PRAG1: variants seen among roughly 807,000 people sequenced by gnomAD.
PRAG1 encodes inactive tyrosine-protein kinase PRAG1.
PRAG1 carries 110 observed loss-of-function variants against 95.6 expected under a neutral mutation model. That is an observed-to-expected ratio of 1.15 (90% confidence interval 0.99 to 1.35). The LOEUF is 1.35. PRAG1 is among the 40% of genes most tolerant of loss of function. The pLI is 0.00. For synonymous variants in PRAG1, 1,052 were observed against 819.4 expected, an observed-to-expected ratio of 1.28 and a Z score of -4.85; for missense variants, 2,554 against 1,864.7, an observed-to-expected ratio of 1.37 and a Z score of -6.81.
chr8:8,318,203 G>A lies in PRAG1; in HGVS notation c.4172C>T (p.Ala1391Val), dbSNP rs746332662. 8 of 1,614,058 alleles carry A rather than the reference G, an allele frequency of 5.0e-6. No homozygotes were observed. Among genetic ancestry groups the A allele is most frequent in the Non-Finnish European group, 6.8e-6 (8 of 1,179,994 alleles). ...CGACTGTAAGAGGGCCCCGGGCTCCGCAGACGCCAGGTACTGGCAGCAAAG... is the reference window on the plus strand; with the variant it reads ...CGACTGTAAGAGGGCCCCGGGCTCCACAGACGCCAGGTACTGGCAGCAAAG... ...DWLCCQYLASAEPGALLQSLK... is the reference protein window; with the variant it reads ...DWLCCQYLASVEPGALLQSLK... Residue 1391 changes from alanine to valine, a missense_variant, in exon 6 of 6, where the codon GCG becomes GTG. Ala to Val is a moderately conservative substitution (Grantham distance 64). Coordinates refer to ENST00000615670, the MANE Select transcript of PRAG1 (RefSeq NM_001080826.3). This position sits in a 1 kb window ranked among gnomAD's most constrained non-coding sequence, Gnocchi z 4.2.
At position 8,381,642 on chromosome 8, in the gene PRAG1, G is replaced by A. The variant is rs1800675030; in HGVS notation, c.106C>T (p.Leu36=). 1.2e-6 allele frequency: 2 copies of A among 1,613,922 alleles called. No individual in the cohort carries two copies. The highest frequency in any genetic ancestry group is 2.2e-5 in the South Asian group (2 of 91,052). Residue 36 remains leucine, a synonymous_variant, in exon 2 of 6, where the codon CTG becomes TTG. Transcript: ENST00000615670. ...GCCACCAGCTGGTGGTCGCTCCGCA[G>A]GCAGAAGCAGTTCTTGCAGGACCCG... is the stretch of plus-strand genomic sequence containing the variant. ...KPGSCKNCFC[L]RSDHQLVAGP...
intron 3 of PRAG1, among the ~76,000 whole-genome samples, chr8:8,339,849 G>C (rs1215394336): frequency 6.6e-6 from 1 of 152,160 alleles, no homozygotes; most frequent in Non-Finnish European, 1.5e-5. Flanking sequence ...GTGGTTAGGA[G>C]AAGCGAGTCT....
In PRAG1 at chr8:8,318,671, CTCT is replaced by C. The variant is rs753627566; in HGVS notation, c.3701_3703del (p.Lys1234del). The C allele has an allele frequency of 4.3e-5, 69 of 1,611,406 alleles. No homozygotes were observed. The Middle Eastern group carries it at 6.6e-4, about 15-fold the overall frequency. On this transcript the variant is annotated inframe_deletion, in exon 6 of 6. Coordinates refer to ENST00000615670, the MANE Select transcript of PRAG1 (RefSeq NM_001080826.3). This position sits in a 1 kb window ranked among gnomAD's most constrained non-coding sequence, Gnocchi z 4.2. ...GATCTCGGGGGCCAGCCGGGCCTGG[CTCT>C]TCTTCTGCTGCAGGTTTGGGGTGCC...
intron 5 of PRAG1, among the ~76,000 whole-genome samples, chr8:8,320,004 G>C (rs1388224142): frequency 6.6e-6 from 1 of 152,130 alleles, no homozygotes; most frequent in African/African-American, 2.4e-5. Flanking sequence ...TGTAAAATGG[G>C]GCAGACCCCT....
chr8:8,381,819 G>C lies in PRAG1; in HGVS notation c.-72C>G. On this transcript the variant is annotated 5_prime_UTR_variant, in exon 2 of 6. Transcript: ENST00000615670. ...GCAGTTTTGTGGGATTCAGAGGTGG[G>C]TCACAGAGCGGCTTCCTAGAAAGGC... 7.8e-7 allele frequency: 1 copy of C among 1,289,312 alleles called. No homozygotes were observed. Among genetic ancestry groups the C allele is most frequent in the Non-Finnish European group, 1.1e-6 (1 of 950,948 alleles). 79.9% of individuals were successfully genotyped at this position (1,289,312 alleles called of 1,614,324 possible). A position where few individuals can be genotyped will look rare whatever the true frequency, so the allele number is the denominator to read the frequency against.
At chr8:8,332,890 T>G (rs913977797) in intron 4 of PRAG1, among the ~76,000 whole-genome samples, 1 of 152,176 alleles carries the variant, frequency 6.6e-6, no homozygotes, top group Non-Finnish European at 1.5e-5. Flanking sequence ...GCATCTATGT[T>G]CTTACTGTTT....
At chr8:8,359,511 T>C (rs1348757159) in intron 3 of PRAG1, among the ~76,000 whole-genome samples, 3 of 152,336 alleles carry the variant, frequency 2.0e-5, no homozygotes, top group African/African-American at 7.2e-5. Context: ...ATCTGATTGA[T>C]AGCTCTAAGG....
intron 3 of PRAG1, among the ~76,000 whole-genome samples, chr8:8,352,976 G>T (rs1490294471): frequency 6.6e-6 from 1 of 151,992 alleles, no homozygotes; most frequent in Admixed American, 6.6e-5. Context: ...GACAAAGAAG[G>T]GGATCATTTA....
chr8:8,377,352 C>CGCCGCT lies in PRAG1; in HGVS notation c.1051_1056dup (p.Ser351_Gly352dup), dbSNP rs59372311. On this transcript the variant is annotated inframe_insertion, in exon 3 of 6. Coordinates refer to ENST00000615670, the MANE Select transcript of PRAG1 (RefSeq NM_001080826.3). ...AGGTGGGGGACGAAGGGGCTACTGGCGCCGCTGCCGCTGCCGCTGCCGCTG... is the reference window on the plus strand; with the variant it reads ...AGGTGGGGGACGAAGGGGCTACTGGCGCCGCTGCCGCTGCCGCTGCCGCTGCCGCTG... The CGCCGCT allele has an allele frequency of 1.3e-4, 208 of 1,581,710 alleles. 1 individual carries two copies. The highest frequency in any genetic ancestry group is 6.7e-4 in the South Asian group (58 of 87,168).
At position 8,377,210 on chromosome 8, in the gene PRAG1, G is replaced by A. The variant is rs200036118; in HGVS notation, c.1199C>T (p.Pro400Leu). ...CLGLTGEPQPPAHPREATQPE... is the reference protein window; with the variant it reads ...CLGLTGEPQPLAHPREATQPE... Reference sequence around the variant, plus strand: ...CTGTGTAGCCTCCCGGGGGTGGGCCGGGGGCTGGGGCTCCCCCGTCAGCCC... The same window carrying A: ...CTGTGTAGCCTCCCGGGGGTGGGCCAGGGGCTGGGGCTCCCCCGTCAGCCC... Residue 400 changes from proline (P) to leucine (L), a missense_variant, in exon 3 of 6, where the codon CCG becomes CTG. Coordinates refer to ENST00000615670, the MANE Select transcript of PRAG1 (RefSeq NM_001080826.3). The A allele has an allele frequency of 5.9e-5, 95 of 1,611,108 alleles. No homozygotes were observed. In the Admixed American group the frequency reaches 1.4e-3, roughly 23 times the overall value.
chr8:8,378,172 T>A, intron 2 of PRAG1, 94 bp from the exon 3 acceptor site: 1 of 1,410,770 alleles, frequency 7.1e-7, no homozygotes, highest in Non-Finnish European at 9.5e-7. Context: ...AACGATACTG[T>A]AGAATGTCTT....
Position 8,347,433 on chromosome 8 carries a change from A to G in PRAG1, c.2163-7798T>C, listed in dbSNP as rs144372311. Among the ~76,000 whole-genome samples the G allele has an allele frequency of 4.6e-5, 7 of 152,364 alleles. No homozygotes were observed. The East Asian group carries it at 1.3e-3, about 29-fold the overall frequency. Reference sequence around the variant, plus strand: ...CTGCCTCTCTGACCTGCAGCTTTCAATCTCCAATTGTCTTATTTGGCTCCA... The same window carrying G: ...CTGCCTCTCTGACCTGCAGCTTTCAGTCTCCAATTGTCTTATTTGGCTCCA... On this transcript the variant is annotated intron_variant, in intron 3 of 5. Transcript: ENST00000615670.
intron 3 of PRAG1, among the ~76,000 whole-genome samples, chr8:8,365,750 G>C (rs1253820200): frequency 2.0e-5 from 3 of 151,908 alleles, no homozygotes; most frequent in African/African-American, 7.3e-5. Context: ...ATCACCTGAG[G>C]TCAGGAGTTT....
chr8:8,328,937 G>A (rs942708752), intron 4 of PRAG1, among the ~76,000 whole-genome samples: 6 of 152,236 alleles, frequency 3.9e-5, no homozygotes, highest in African/African-American at 1.2e-4. Flanking sequence ...ATCACCATAT[G>A]CAAGTATCAT....
At chr8:8,319,661 C>G (rs1221963874) in intron 5 of PRAG1, among the ~76,000 whole-genome samples, 1 of 152,114 alleles carries the variant, frequency 6.6e-6, no homozygotes, top group African/African-American at 2.4e-5. Flanking sequence ...GGACTTGTTT[C>G]TGGAATTTGT....
At chr8:8,370,805 T>C (rs1157207731) in intron 3 of PRAG1, among the ~76,000 whole-genome samples, 1 of 152,150 alleles carries the variant, frequency 6.6e-6, no homozygotes, top group East Asian at 1.9e-4. Context: ...ACTCCACTCA[T>C]GACACTGTCA....
intron 3 of PRAG1, among the ~76,000 whole-genome samples, chr8:8,360,901 A>T (rs1234611256): frequency 6.6e-6 from 1 of 152,150 alleles, no homozygotes; most frequent in Admixed American, 6.5e-5. Context: ...CTGAGCAGGG[A>T]ATTTGTAATC....
chr8:8,339,752 T>C, intron 3 of PRAG1, 117 bp from the exon 4 acceptor site: 1 of 1,016,934 alleles, frequency 9.8e-7, no homozygotes, highest in Non-Finnish European at 1.4e-6. Flanking sequence ...AGCAAGTTTA[T>C]TAAAAGAAAA....
rs899110084 is a variant in PRAG1 at position 8,327,587 on chromosome 8, T to A, written c.3072+123A>T. On this transcript the variant is annotated intron_variant, in intron 5 of 5. Transcript: ENST00000615670. ...TCTTATCTTACAAGAAAAAAAAGAA[T>A]GCTTAGGAATCAACTCCCCTCCTAA... 42 of 1,112,804 alleles carry A rather than the reference T, an allele frequency of 3.8e-5. No individual in the cohort carries two copies. In the African/African-American group the frequency reaches 4.9e-4, roughly 13 times the overall value. 68.9% of individuals were successfully genotyped at this position (1,112,804 alleles called of 1,614,324 possible). A position where few individuals can be genotyped will look rare whatever the true frequency, so the allele number is the denominator to read the frequency against.
Sources: allele counts gnomAD v4.1 joint callset (sites outside exome capture counted in the v4.1 genomes callset), GRCh38; gene constraint gnomAD v4.1.1; non-coding constraint Gnocchi (gnomAD v3.1); transcripts MANE v1.5; gene names NCBI Gene and HGNC (gene_info 2026-07-23, HGNC 2026-07-21).